Variants in GRIN2A observed in about 807,000 individuals in gnomAD.
GRIN2A encodes the protein glutamate ionotropic receptor NMDA type subunit 2A, also known as glutamate receptor ionotropic, NMDA 2A.
A neutral mutation model predicts 113.4 loss-of-function variants in GRIN2A; 22 were observed. The ratio of observed to expected loss-of-function variants is 0.19; its 90% confidence interval spans 0.14 to 0.28. The LOEUF (loss-of-function observed/expected upper bound fraction) is 0.28. Ranked by LOEUF, GRIN2A falls within the 10% of genes least tolerant of loss-of-function variation. The probability of loss-of-function intolerance (pLI) is 1.00; values close to 1 mark genes in which losing one functional copy is unlikely to be tolerated. For synonymous variants in GRIN2A, 827 were observed against 738.4 expected (o/e 1.12, Z -1.94); for missense variants, 1,502 against 1,887.0 (o/e 0.80, Z 3.78).
chr16:9,914,460 C>T (rs1411208103), intron 3 of GRIN2A, among the ~76,000 whole-genome samples: 3 of 152,196 alleles, frequency 2.0e-5, no homozygotes, highest in Non-Finnish European at 2.9e-5. Context: ...GGCTGACAGG[C>T]CTGCACCTGC....
chr16:10,063,277 G>A (rs1478236531), intron 2 of GRIN2A, among the ~76,000 whole-genome samples: 1 of 152,140 alleles, frequency 6.6e-6, no homozygotes, highest in African/African-American at 2.4e-5. Context: ...CTCACTACTT[G>A]GATGATGGGA....
intron 11 of GRIN2A, among the ~76,000 whole-genome samples, chr16:9,775,728 A>G (rs992081069): frequency 6.6e-6 from 1 of 152,228 alleles, no homozygotes; most frequent in African/African-American, 2.4e-5. Flanking sequence ...AGGCCGTCAG[A>G]TGTACATCTG....
intron 3 of GRIN2A, among the ~76,000 whole-genome samples, chr16:9,918,895 C>G (rs149574958): frequency 6.6e-6 from 1 of 151,476 alleles, no homozygotes; most frequent in Non-Finnish European, 1.5e-5. Flanking sequence ...GAAATTGGAG[C>G]GGCGCGGTGG....
intron 4 of GRIN2A, among the ~76,000 whole-genome samples, chr16:9,875,918 A>G (rs966233563): frequency 1.3e-5 from 2 of 152,112 alleles, no homozygotes; most frequent in Non-Finnish European, 2.9e-5. Flanking sequence ...ACAATGCTGT[A>G]ACTAGCAGTG....
intron 2 of GRIN2A, among the ~76,000 whole-genome samples, chr16:10,171,158 G>A (rs1309238203): frequency 6.6e-6 from 1 of 152,202 alleles, no homozygotes; most frequent in Non-Finnish European, 1.5e-5. Context: ...TCATTAACTT[G>A]AAAGGGTAAT....
intron 2 of GRIN2A, among the ~76,000 whole-genome samples, chr16:10,136,465 A>C (rs2049193063): frequency 6.6e-6 from 1 of 152,216 alleles, no homozygotes; most frequent in African/African-American, 2.4e-5. Context: ...TTTAGGATGC[A>C]AGAGGCATTT....
chr16:9,850,744 G>C (rs1023136223), intron 4 of GRIN2A, among the ~76,000 whole-genome samples: 1 of 152,134 alleles, frequency 6.6e-6, no homozygotes, highest in African/African-American at 2.4e-5. Context: ...GACTGTCACT[G>C]CTTAGCGTAC....
At chr16:10,057,415 G>A (rs892538099) in intron 2 of GRIN2A, among the ~76,000 whole-genome samples, 3 of 152,232 alleles carry the variant, frequency 2.0e-5, no homozygotes, top group African/African-American at 7.2e-5. Context: ...TCCACTAGAT[G>A]AGGAGCAAAA....
intron 11 of GRIN2A, among the ~76,000 whole-genome samples, chr16:9,793,364 T>C (rs1902742677): frequency 1.3e-5 from 2 of 152,220 alleles, no homozygotes; most frequent in Admixed American, 6.5e-5. Context: ...TTATGGTCTT[T>C]CTTCTGCTTC....
At chr16:10,175,421 TA>T in intron 2 of GRIN2A, among the ~76,000 whole-genome samples, 1 of 152,260 alleles carries the variant, frequency 6.6e-6, no homozygotes, top group East Asian at 1.9e-4. Context: ...ATATATACTA[TA>T]AAATCCTGAG....
Position 9,764,055 on chromosome 16 carries a change from G to A in GRIN2A, c.3489C>T (p.Ser1163=), listed in dbSNP as rs773566946. Residue 1163 remains serine (S), a synonymous_variant, in exon 13 of 13, where the codon TCC becomes TCT. Coordinates refer to ENST00000330684, the MANE Select transcript of GRIN2A (RefSeq NM_001134407.3). ...AGGGGTTCCGGTTCATTGGCAGCGT[G>A]GAGTCCCCCTTGCGGAAGTTTTCAC... The part of the protein sequence containing the change: ...DPSENFRKGD[S]TLPMNRNPLH... 3 of 1,613,792 alleles carry A rather than the reference G, an allele frequency of 1.9e-6. No homozygotes were observed. Among genetic ancestry groups the A allele is most frequent in the Non-Finnish European group, 2.5e-6 (3 of 1,179,738 alleles).
intron 2 of GRIN2A, among the ~76,000 whole-genome samples, chr16:9,981,371 T>C (rs1456200562): frequency 2.0e-5 from 3 of 152,242 alleles, no homozygotes; most frequent in African/African-American, 4.8e-5. Flanking sequence ...CTTGGGTCAC[T>C]TTATATTCTT....
intron 2 of GRIN2A, among the ~76,000 whole-genome samples, chr16:10,113,502 C>T (rs1027378757): frequency 1.3e-5 from 2 of 152,244 alleles, no homozygotes; most frequent in Non-Finnish European, 2.9e-5. Flanking sequence ...CATTCCTGCC[C>T]TCTCCTCAGC....
At chr16:9,971,418 C>T (rs2045667239) in intron 2 of GRIN2A, among the ~76,000 whole-genome samples, 1 of 152,204 alleles carries the variant, frequency 6.6e-6, no homozygotes, top group South Asian at 2.1e-4. Context: ...TGAGCCATCT[C>T]ATACATTTCA....
intron 4 of GRIN2A, among the ~76,000 whole-genome samples, chr16:9,876,692 G>A (rs892012687): frequency 6.6e-6 from 1 of 152,298 alleles, no homozygotes; most frequent in Middle Eastern, 3.4e-3. Flanking sequence ...AGTAATCAGT[G>A]AATGCTTGGT....
chr16:10,052,540 G>C (rs986130764), intron 2 of GRIN2A, among the ~76,000 whole-genome samples: 4 of 152,222 alleles, frequency 2.6e-5, no homozygotes, highest in Non-Finnish European at 5.9e-5. Context: ...CTTCTAGCCA[G>C]GGAGAGGGGT....
intron 11 of GRIN2A, among the ~76,000 whole-genome samples, chr16:9,777,269 T>C (rs1470591334): frequency 2.6e-5 from 4 of 150,980 alleles, no homozygotes; most frequent in African/African-American, 9.7e-5. Context: ...ATCTGACAAA[T>C]AAGAAAAAAA....
intron 2 of GRIN2A, among the ~76,000 whole-genome samples, chr16:10,058,253 C>CA (rs1289523663): frequency 4.7e-5 from 7 of 148,000 alleles, no homozygotes; most frequent in Admixed American, 2.7e-4. Flanking sequence ...GACACTGTCT[C>CA]AAAAAAAACC....
At chr16:9,838,498 A>C (rs1022228081) in intron 7 of GRIN2A, among the ~76,000 whole-genome samples, 1 of 152,204 alleles carries the variant, frequency 6.6e-6, no homozygotes, top group Non-Finnish European at 1.5e-5. Flanking sequence ...CTTTTGCAGC[A>C]ACTTGGATGA....
Sources: gnomAD v4.1 joint callset for allele counts (sites outside exome capture counted in the v4.1 genomes callset) on GRCh38, gnomAD v4.1.1 for gene constraint, MANE v1.5 for transcripts, NCBI Gene and HGNC (gene_info 2026-07-23, HGNC 2026-07-21) for gene names.